Variants in TNS1 observed in about 807,000 individuals in gnomAD.
The protein encoded by TNS1 is tensin 1.
Under a neutral mutation model 168.6 loss-of-function variants are expected in TNS1, and 62 were observed. That is an observed-to-expected ratio of 0.37 (90% CI 0.30 to 0.45). The LOEUF (loss-of-function observed/expected upper bound fraction) is 0.45. Among genes scored for constraint, TNS1 ranks in the 20% least tolerant of loss-of-function variants. TNS1 has a pLI of 1.00. For synonymous variants in TNS1, 934 were observed against 933.2 expected (o/e 1.00, Z -0.02); for missense variants, 2,240 against 2,339.4 (o/e 0.96, Z 0.88).
At chr2:217,974,938 C>A (rs768787126) in intron 3 of TNS1, among the ~76,000 whole-genome samples, 4 of 152,186 alleles carry the variant, frequency 2.6e-5, no homozygotes, top group African/African-American at 4.8e-5. Flanking sequence ...TATGTAGATT[C>A]TTTCCACACT....
At chr2:217,981,802 C>CCGGCCTG (rs2126059230) in intron 2 of TNS1, among the ~76,000 whole-genome samples, 1 of 152,308 alleles carries the variant, frequency 6.6e-6, no homozygotes, top group Non-Finnish European at 1.5e-5. Context: ...TAACGTGCAT[C>CCGGCCTG]CGTCTTGCTG....
intron 14 of TNS1, 75 bp from the exon 15 acceptor site, chr2:217,885,894 G>A: frequency 6.4e-7 from 1 of 1,559,540 alleles, no homozygotes; most frequent in Non-Finnish European, 8.8e-7. Flanking sequence ...TCTCCCTGCT[G>A]CCCCTACGCC....
intron 12 of TNS1, among the ~76,000 whole-genome samples, chr2:217,888,854 T>A (rs950353264): frequency 6.6e-6 from 1 of 152,198 alleles, no homozygotes; most frequent in African/African-American, 2.4e-5. Flanking sequence ...GAAAATGGAC[T>A]AATACACCAG....
intron 1 of TNS1, 63 bp downstream of exon 1, chr2:218,002,777 G>C: frequency 2.2e-6 from 1 of 456,150 alleles, no homozygotes; most frequent in Admixed American, 2.3e-5. Context: ...AAGGTGGCAG[G>C]GGCCGGTGGG....
chr2:217,833,496 G>C (rs1416839015), intron 21 of TNS1, among the ~76,000 whole-genome samples: 3 of 152,254 alleles, frequency 2.0e-5, no homozygotes, highest in Non-Finnish European at 1.5e-5. Flanking sequence ...AGAGAAGAAG[G>C]CAAAACCCAG....
rs895967266 is a variant in TNS1, at chr2:217,803,854, G to A, written c.*605C>T. 2 of 153,388 alleles carry A rather than the reference G, an allele frequency of 1.3e-5. No homozygotes were observed. The highest frequency in any genetic ancestry group is 4.8e-5 in the African/African-American group (2 of 41,456). 9.5% of individuals were successfully genotyped at this position (153,388 alleles called of 1,614,324 possible). On this transcript the variant is annotated 3_prime_UTR_variant, in exon 33 of 33. Coordinates refer to ENST00000682258, the MANE Select transcript of TNS1 (RefSeq NM_001387777.1). ...TGGATAAAGGCAGATCTAGATCAAT[G>A]TGTGAGGATGTGGGTGCAGACACAC...
intron 4 of TNS1, among the ~76,000 whole-genome samples, chr2:217,912,595 C>T (rs1954553961): frequency 6.6e-6 from 1 of 152,094 alleles, no homozygotes. Flanking sequence ...GACCCAGGAC[C>T]CAGAGAAAGT....
intron 1 of TNS1, among the ~76,000 whole-genome samples, chr2:217,991,724 T>C (rs147143742): frequency 7.2e-4 from 109 of 152,142 alleles, no homozygotes; most frequent in Middle Eastern, 6.8e-3. Flanking sequence ...GGGCCTTCGC[T>C]TCTCTAACCC....
At chr2:218,027,642 C>T (rs191308738) in intron 1 of TNS1, among the ~76,000 whole-genome samples, 3 of 152,268 alleles carry the variant, frequency 2.0e-5, no homozygotes, top group African/African-American at 7.2e-5. Flanking sequence ...CTGCCTCCCG[C>T]ACTGACTTCC....
At chr2:217,829,968 A>G (rs10188605) in intron 22 of TNS1, 576,541 of 1,564,068 alleles carry the variant, frequency 0.37, 107,541 homozygotes, top group East Asian at 0.51. Flanking sequence ...CAAAAAAGGA[A>G]AAAGAGAGAA....
intron 3 of TNS1, among the ~76,000 whole-genome samples, chr2:217,957,652 A>T (rs187655241): frequency 1.2e-3 from 176 of 152,272 alleles, no homozygotes; most frequent in African/African-American, 4.1e-3. Flanking sequence ...CATTTTTGAG[A>T]TAATTAGAGA....
chr2:217,892,828 C>G, intron 11 of TNS1, 120 bp downstream of exon 11: 1 of 1,175,264 alleles, frequency 8.5e-7, no homozygotes, highest in South Asian at 1.5e-5. Flanking sequence ...GTCCTCATCG[C>G]TTCTCATTCC....
At chr2:217,890,669 G>A (rs1951653690) in intron 12 of TNS1, 1 of 475,176 alleles carries the variant, frequency 2.1e-6, no homozygotes, top group African/African-American at 1.9e-5. Context: ...TGCCTTCCTA[G>A]ACCAGCGCCT....
chr2:218,005,629 C>A (rs984801945), upstream of TNS1, among the ~76,000 whole-genome samples: 4 of 152,250 alleles, frequency 2.6e-5, no homozygotes, highest in African/African-American at 9.6e-5. Flanking sequence ...CCAACCCACA[C>A]ACGGGCAAGG....
intron 3 of TNS1, among the ~76,000 whole-genome samples, chr2:217,949,417 G>A (rs905027845): frequency 1.3e-5 from 2 of 152,162 alleles, no homozygotes; most frequent in Non-Finnish European, 2.9e-5. Context: ...ATTCCTTCAG[G>A]GAGCCCTCCT....
intron 4 of TNS1, among the ~76,000 whole-genome samples, chr2:217,907,926 C>G (rs1261862718): frequency 6.6e-6 from 1 of 152,170 alleles, no homozygotes; most frequent in African/African-American, 2.4e-5. Flanking sequence ...AAGGAGGGCT[C>G]TCTTCCTCCA....
At chr2:217,913,410 T>G (rs1478058139) in intron 4 of TNS1, among the ~76,000 whole-genome samples, 2 of 152,070 alleles carry the variant, frequency 1.3e-5, no homozygotes, top group Admixed American at 6.5e-5. Context: ...CTTGCACAGG[T>G]TGGAATATTT....
chr2:217,841,293 C>A (rs1945921725), intron 19 of TNS1: 1 of 981,456 alleles, frequency 1.0e-6, no homozygotes. Context: ...ACGCTGCCCA[C>A]CCCCCACCCC....
At chr2:217,929,511 G>A (rs1362243652) in intron 3 of TNS1, among the ~76,000 whole-genome samples, 4 of 152,172 alleles carry the variant, frequency 2.6e-5, no homozygotes, top group African/African-American at 9.7e-5. Flanking sequence ...AAAAGGCCGG[G>A]ACAGGCAAGG....
Sources: allele counts gnomAD v4.1 joint callset (sites outside exome capture counted in the v4.1 genomes callset), GRCh38; gene constraint gnomAD v4.1.1; transcripts MANE v1.5; gene names NCBI Gene and HGNC (gene_info 2026-07-23, HGNC 2026-07-21).